The following LRP2 variants were observed in gnomAD, a reference collection of about 807,000 sequenced individuals.
The protein encoded by LRP2 is LDL receptor related protein 2.
Under a neutral mutation model 531.0 loss-of-function variants are expected in LRP2, and 172 were observed. The observed-to-expected ratio is 0.32, with a 90% CI of 0.29 to 0.37. LRP2 has a LOEUF of 0.37. Among genes scored for constraint, LRP2 ranks in the 10% least tolerant of loss-of-function variants. The probability of loss-of-function intolerance (pLI) is 1.00; values close to 1 mark genes in which losing one functional copy is unlikely to be tolerated. For missense variants in LRP2, 5,167 were observed against 5,868.3 expected, an observed-to-expected ratio of 0.88 and a Z score of 3.90; for synonymous variants, 1,992 against 2,027.6, an observed-to-expected ratio of 0.98 and a Z score of 0.47.
Position 169,185,532 on chromosome 2 carries a change from T to C in LRP2, c.9816A>G (p.Ala3272=). The change falls in exon 50 of 79, where the codon GCA becomes GCG. Residue 3272 remains alanine, a synonymous_variant. Coordinates refer to ENST00000649046, the MANE Select transcript of LRP2 (RefSeq NM_004525.3). ...AAACCCAGTCTACAGCCAGACTTTC[T>C]GCAGCTGGTAGTCTGTGGTTTATGA... The part of the protein sequence containing the change: ...ETIINHRLPA[A]ESLAVDWVSR... The C allele has an allele frequency of 6.2e-7, 1 of 1,613,740 alleles. No homozygotes were observed. Among genetic ancestry groups the C allele is most frequent in the Non-Finnish European group, 8.5e-7 (1 of 1,180,000 alleles).
At chr2:169,213,353 T>C (rs945845358) in intron 36 of LRP2, among the ~76,000 whole-genome samples, 2 of 152,002 alleles carry the variant, frequency 1.3e-5, no homozygotes, top group Non-Finnish European at 2.9e-5. Flanking sequence ...TTCTAATAAG[T>C]AACACAAACA....
chr2:169,336,145 T>C (rs1230059611), intron 1 of LRP2, among the ~76,000 whole-genome samples: 2 of 152,200 alleles, frequency 1.3e-5, no homozygotes, highest in African/African-American at 4.8e-5. Context: ...AATGCCTTTC[T>C]AATTCATTCA....
At chr2:169,302,463 A>T (rs1393303891) in intron 4 of LRP2, among the ~76,000 whole-genome samples, 1 of 152,018 alleles carries the variant, frequency 6.6e-6, no homozygotes, top group Non-Finnish European at 1.5e-5. Flanking sequence ...TGGCTCCTGG[A>T]GGACATTTGA....
intron 63 of LRP2, among the ~76,000 whole-genome samples, chr2:169,160,862 C>G (rs537091260): frequency 6.6e-6 from 1 of 152,168 alleles, no homozygotes; most frequent in Non-Finnish European, 1.5e-5. Flanking sequence ...GTCAATAACT[C>G]CAAGTCCCAC....
At chr2:169,333,549 G>A (rs1308712328) in intron 1 of LRP2, among the ~76,000 whole-genome samples, 1 of 151,902 alleles carries the variant, frequency 6.6e-6, no homozygotes, top group Non-Finnish European at 1.5e-5. Flanking sequence ...GGCTACAAGA[G>A]TACTTCTTAT....
chr2:169,287,714 C>G (rs1574222795), intron 9 of LRP2, among the ~76,000 whole-genome samples: 1 of 151,302 alleles, frequency 6.6e-6, no homozygotes. Flanking sequence ...TTAAGATTAG[C>G]TGTATTTGAC....
intron 5 of LRP2, 80 bp from the exon 6 acceptor site, chr2:169,294,341 C>A: frequency 1.1e-6 from 1 of 903,100 alleles, no homozygotes; most frequent in Non-Finnish European, 1.9e-6. Context: ...GGAAGAGCAT[C>A]TCCAGTTTAA....
chr2:169,232,101 A>G (rs1689428061), intron 30 of LRP2, among the ~76,000 whole-genome samples: 1 of 152,134 alleles, frequency 6.6e-6, no homozygotes, highest in African/African-American at 2.4e-5. Flanking sequence ...AATCCAGTCT[A>G]TAACTGGATT....
chr2:169,294,313 T>C (rs548905268), intron 5 of LRP2, 52 bp from the exon 6 acceptor site: 12 of 1,074,546 alleles, frequency 1.1e-5, no homozygotes, highest in East Asian at 9.4e-5. Flanking sequence ...AACTCCATTG[T>C]AGCCATTTAA....
intron 1 of LRP2, among the ~76,000 whole-genome samples, chr2:169,323,213 A>G (rs1191707679): frequency 6.6e-6 from 1 of 152,196 alleles, no homozygotes; most frequent in African/African-American, 2.4e-5. Context: ...AATCCAATTT[A>G]CTCAATTTAT....
intron 1 of LRP2, among the ~76,000 whole-genome samples, chr2:169,328,013 T>TG (rs1216309404): frequency 0.017 from 483 of 28,782 alleles, 18 homozygotes; most frequent in African/African-American, 0.056. Context: ...GGGAGGGAGG[T>TG]GGGGGGGGGT....
Position 169,220,490 on chromosome 2 carries a change from C to G in LRP2, c.5612G>C (p.Gly1871Ala), listed in dbSNP as rs1334193844. The G allele has an allele frequency of 2.5e-6, 4 of 1,613,520 alleles. No individual in the cohort carries two copies. Among genetic ancestry groups the G allele is most frequent in the Admixed American group, 1.7e-5 (1 of 59,950 alleles). Residue 1871 changes from glycine to alanine, a missense_variant, in exon 34 of 79, where the codon GGC becomes GCC. Gly to Ala is a moderately conservative substitution (Grantham distance 60). Coordinates refer to ENST00000649046, the MANE Select transcript of LRP2 (RefSeq NM_004525.3). ...ATCAACAGTTATGCCAATTGGAAAG[C>G]CAACTCCAAGAGCTGTCCCATCATT... ...IANDGTALGVGFPIGITVDPA... is the reference protein window; with the variant it reads ...IANDGTALGVAFPIGITVDPA...
rs764203713 is a variant in LRP2 at position 169,241,309 on chromosome 2, T to C, written c.3724A>G (p.Ile1242Val). ...SDEFQCQEDG[I>V]CIPNFWECDG... The stretch of plus-strand genomic sequence containing the variant: ...CATTCCCAGAAGTTCGGGATGCAGA[T>C]ACCATCTTCTTGGCACTGAAATTCA... Residue 1242 changes from isoleucine to valine, a missense_variant, in exon 25 of 79, where the codon ATC (isoleucine) becomes GTC (valine). Physicochemically the swap from Ile to Val is conservative, Grantham distance 29. Coordinates refer to ENST00000649046, the MANE Select transcript of LRP2 (RefSeq NM_004525.3). 3.1e-6 allele frequency: 5 copies of C among 1,614,166 alleles called. No individual in the cohort carries two copies. The highest frequency in any genetic ancestry group is 1.6e-4 in the Middle Eastern group (1 of 6,062).
intron 71 of LRP2, 128 bp from the exon 72 acceptor site, chr2:169,140,673 T>C: frequency 3.0e-6 from 2 of 673,184 alleles, no homozygotes; most frequent in African/African-American, 1.7e-5. Flanking sequence ...CTGTCAAAGC[T>C]TACCTTCCCC....
In LRP2 at chr2:169,158,469, T is replaced by C. The variant is rs142121207; in HGVS notation, c.11888-967A>G. 4.7e-3 allele frequency among the ~76,000 whole-genome samples: 714 copies of C among 152,162 alleles called. 4 individuals carry two copies. Among genetic ancestry groups the C allele is most frequent in the African/African-American group, 0.016 (657 of 41,538 alleles). Reference sequence around the variant, plus strand: ...CTTTATGTAACACTAAAATTGAATATGTCTGGAACTTACGCTGACATGTTA... The same window carrying C: ...CTTTATGTAACACTAAAATTGAATACGTCTGGAACTTACGCTGACATGTTA... On this transcript the variant is annotated intron_variant, in intron 63 of 78. Transcript: ENST00000649046.
At chr2:169,257,071 T>C (rs1690332531) in intron 18 of LRP2, 53 bp downstream of exon 18, 1 of 1,607,148 alleles carries the variant, frequency 6.2e-7, no homozygotes, top group East Asian at 2.2e-5. Context: ...TGCCTCATTA[T>C]GTGTTCTGCA....
chr2:169,150,920 T>C lies in LRP2; in HGVS notation c.12568A>G (p.Ile4190Val), dbSNP rs1190091137. Residue 4190 changes from isoleucine (I) to valine (V), a missense_variant, in exon 68 of 79, where the codon ATT becomes GTT. Coordinates refer to ENST00000649046, the MANE Select transcript of LRP2 (RefSeq NM_004525.3). ...TACCCTAGTTTGGGATTCACAGCAA[T>C]AGCAGCTGGTTGGTCCAGGTCAGTG... ...ISTDLDQPAA[I>V]AVNPKLGLMF... 3 of 1,614,082 alleles carry C rather than the reference T, an allele frequency of 1.9e-6. No individual in the cohort carries two copies.
chr2:169,230,957 C>G (rs1689375712), intron 31 of LRP2, among the ~76,000 whole-genome samples: 1 of 152,050 alleles, frequency 6.6e-6, no homozygotes, highest in African/African-American at 2.4e-5. Flanking sequence ...AGTCAGAAGA[C>G]CCAGGCTAGA....
At chr2:169,150,324 C>T (rs1686075263) in intron 68 of LRP2, among the ~76,000 whole-genome samples, 1 of 152,030 alleles carries the variant, frequency 6.6e-6, no homozygotes, top group Non-Finnish European at 1.5e-5. Flanking sequence ...GTCATTTCAG[C>T]TTAGTGATTA....
Sources: gnomAD v4.1 joint callset for allele counts (sites outside exome capture counted in the v4.1 genomes callset) on GRCh38, gnomAD v4.1.1 for gene constraint, MANE v1.5 for transcripts, NCBI Gene and HGNC (gene_info 2026-07-23, HGNC 2026-07-21) for gene names.